GALNT13: variants seen among roughly 807,000 people sequenced by gnomAD.
GALNT13 encodes UDP-GalNAc:polypeptide N-acetylgalactosaminyltransferase 13.
A neutral mutation model predicts 64.2 loss-of-function variants in GALNT13; 28 were observed. That is an observed-to-expected ratio of 0.44 (90% CI 0.32 to 0.60). The LOEUF (loss-of-function observed/expected upper bound fraction) is 0.60. GALNT13 is among the 20% of genes least tolerant of loss of function. GALNT13 has a pLI of 0.05. For synonymous variants in GALNT13, 214 were observed against 224.6 expected (o/e 0.95, Z 0.42); for missense variants, 577 against 669.8 (o/e 0.86, Z 1.53).
chr2:153,169,573 T>G, the GALNT13 span, among the ~76,000 whole-genome samples: 1 of 152,030 alleles, frequency 6.6e-6, no homozygotes, highest in African/African-American at 2.4e-5. Context: ...GGGAGTAGAT[T>G]AGGAAAGCTG....
intron 4 of GALNT13, among the ~76,000 whole-genome samples, chr2:154,153,058 G>C (rs1198800261): frequency 1.3e-5 from 2 of 152,062 alleles, no homozygotes; most frequent in African/African-American, 4.8e-5. Flanking sequence ...CCATCTTTGT[G>C]GTTTTATCTA....
intron 3 of GALNT13, among the ~76,000 whole-genome samples, chr2:154,060,319 A>C (rs1309531361): frequency 2.0e-5 from 3 of 152,176 alleles, no homozygotes. Context: ...TTGGTTTTTC[A>C]GGTACCTGGA....
intron 2 of GALNT13, among the ~76,000 whole-genome samples, chr2:153,930,434 G>C (rs148119121): frequency 1.3e-5 from 2 of 152,132 alleles, no homozygotes; most frequent in East Asian, 3.9e-4. Context: ...TATTTCCTAG[G>C]TTATCTCCTA....
the GALNT13 span, among the ~76,000 whole-genome samples, chr2:153,243,826 G>A: frequency 1.3e-5 from 2 of 152,016 alleles, no homozygotes; most frequent in African/African-American, 4.8e-5. Context: ...ACTGATGCAG[G>A]GTGAGAATCT....
chr2:153,913,608 G>T (rs12611918), intron 2 of GALNT13, among the ~76,000 whole-genome samples: 95,948 of 152,014 alleles, frequency 0.63, 30,595 homozygotes, highest in East Asian at 0.82. Context: ...CCAACTGAAG[G>T]GTCCATGGTG....
chr2:153,704,241 G>T, the GALNT13 span, among the ~76,000 whole-genome samples: 1 of 151,978 alleles, frequency 6.6e-6, no homozygotes, highest in African/African-American at 2.4e-5. Context: ...ACAACTGTTG[G>T]TCCAATTACA....
At chr2:154,359,260 G>A (rs887275036) in intron 9 of GALNT13, among the ~76,000 whole-genome samples, 1 of 152,058 alleles carries the variant, frequency 6.6e-6, no homozygotes, top group East Asian at 1.9e-4. Context: ...GCATCAGCGG[G>A]ACAAGTCCCA....
intron 4 of GALNT13, among the ~76,000 whole-genome samples, chr2:154,232,546 T>C (rs1688971527): frequency 6.6e-6 from 1 of 152,156 alleles, no homozygotes; most frequent in South Asian, 2.1e-4. Context: ...TTATTTACCA[T>C]GTGGCTTAGT....
At chr2:153,917,299 G>T (rs538094732) in intron 2 of GALNT13, among the ~76,000 whole-genome samples, 3 of 151,854 alleles carry the variant, frequency 2.0e-5, no homozygotes, top group Non-Finnish European at 4.4e-5. Flanking sequence ...TGGATTGATG[G>T]GTTTTTACGT....
chr2:154,335,694 A>G (rs990257607), intron 9 of GALNT13, among the ~76,000 whole-genome samples: 8 of 152,000 alleles, frequency 5.3e-5, no homozygotes, highest in African/African-American at 1.9e-4. Context: ...ATAACGCGTA[A>G]TATTATAGGG....
the GALNT13 span, among the ~76,000 whole-genome samples, chr2:153,541,893 G>A: frequency 2.0e-5 from 3 of 152,148 alleles, no homozygotes; most frequent in African/African-American, 2.4e-5. Context: ...ATGAAACTAT[G>A]ATCAAATACA....
chr2:153,680,721 T>TC, the GALNT13 span, among the ~76,000 whole-genome samples: 20 of 151,900 alleles, frequency 1.3e-4, no homozygotes, highest in African/African-American at 4.8e-4. Context: ...TACCTCTCTG[T>TC]CCATATGGCC....
chr2:154,092,221 G>A (rs982719904), intron 3 of GALNT13, among the ~76,000 whole-genome samples: 1 of 151,798 alleles, frequency 6.6e-6, no homozygotes, highest in African/African-American at 2.4e-5. Context: ...TCCCAGCCAA[G>A]TTAACTGCAG....
chr2:153,078,978 C>T, the GALNT13 span, among the ~76,000 whole-genome samples: 10 of 152,052 alleles, frequency 6.6e-5, no homozygotes, highest in African/African-American at 2.4e-4. Context: ...AATAGTTTTG[C>T]AGTGATGGCA....
the GALNT13 span, among the ~76,000 whole-genome samples, chr2:153,418,275 C>T: frequency 6.6e-6 from 1 of 152,148 alleles, no homozygotes; most frequent in African/African-American, 2.4e-5. Flanking sequence ...GACAAGGAAA[C>T]AAATTCCCCC....
chr2:153,131,946 C>A, the GALNT13 span, among the ~76,000 whole-genome samples: 1 of 152,004 alleles, frequency 6.6e-6, no homozygotes, highest in Admixed American at 6.6e-5. Context: ...GAAGAGTGAC[C>A]TTACTGTAGA....
the GALNT13 span, among the ~76,000 whole-genome samples, chr2:153,408,742 A>C: frequency 6.6e-6 from 1 of 152,098 alleles, no homozygotes; most frequent in East Asian, 1.9e-4. Context: ...GATTTGCTAA[A>C]CTAATTAGCC....
At position 154,187,369 on chromosome 2, in the gene GALNT13, AACACACACACAC is replaced by A. The variant is rs10578569; in HGVS notation, c.311+46898_311+46909del. On this transcript the variant is annotated intron_variant, in intron 4 of 12. Transcript: ENST00000392825. ...AATGAGTAAGAAAGAGATAGGAGAA[AACACACACACAC>A]ACACACACACACACACACACACACA... 5.4e-3 allele frequency among the ~76,000 whole-genome samples: 756 copies of A among 140,342 alleles called. 4 individuals carry two copies. The highest frequency in any genetic ancestry group is 0.02 in the East Asian group (95 of 4,722). 92.1% of individuals were successfully genotyped at this position (140,342 alleles called of 152,430 possible). A position where few individuals can be genotyped will look rare whatever the true frequency, so the allele number is the denominator to read the frequency against.
chr2:154,001,684 A>C (rs1216990950), intron 3 of GALNT13, among the ~76,000 whole-genome samples: 1 of 152,018 alleles, frequency 6.6e-6, no homozygotes, highest in Admixed American at 6.6e-5. Flanking sequence ...CTTCATACTA[A>C]TGATAGTAGT....
Sources: gnomAD v4.1 joint callset for allele counts (sites outside exome capture counted in the v4.1 genomes callset) on GRCh38, gnomAD v4.1.1 for gene constraint, MANE v1.5 for transcripts, NCBI Gene and HGNC (gene_info 2026-07-23, HGNC 2026-07-21) for gene names.